Variants in TFEC observed in about 807,000 individuals in gnomAD.
The protein encoded by TFEC is class E basic helix-loop-helix protein 34.
Under a neutral mutation model 41.6 loss-of-function variants are expected in TFEC, and 31 were observed. The observed-to-expected ratio is 0.74, with a 90% CI of 0.56 to 1.01. The LOEUF (loss-of-function observed/expected upper bound fraction) is 1.01. Ranked by LOEUF, TFEC falls within the 50% of genes least tolerant of loss-of-function variation. TFEC has a pLI of 0.00. For synonymous variants in TFEC, 143 were observed against 140.6 expected (o/e 1.02, Z -0.12); for missense variants, 402 against 404.1 (o/e 0.99, Z 0.04).
intron 2 of TFEC, among the ~76,000 whole-genome samples, chr7:115,981,829 G>C (rs909167078): frequency 6.8e-6 from 1 of 147,942 alleles, no homozygotes; most frequent in East Asian, 2.3e-4. Flanking sequence ...CAAATAAGCA[G>C]GAGGTAAAGA....
At chr7:116,015,372 C>T (rs1262203461) in intron 1 of TFEC, among the ~76,000 whole-genome samples, 5 of 151,984 alleles carry the variant, frequency 3.3e-5, no homozygotes, top group African/African-American at 1.2e-4. Flanking sequence ...CTCTTTTTCT[C>T]CCTTTCTTTC....
chr7:115,951,009 C>T (rs757591862), intron 5 of TFEC, 60 bp from the exon 6 acceptor site: 1 of 1,046,752 alleles, frequency 9.6e-7, no homozygotes, highest in Non-Finnish European at 1.4e-6. Context: ...TTTTGGTCAG[C>T]TGTAAACATT....
At chr7:116,111,182 AC>A (rs1797847520) in intron 2 of TFEC, among the ~76,000 whole-genome samples, 1 of 151,824 alleles carries the variant, frequency 6.6e-6, no homozygotes, top group East Asian at 1.9e-4. Flanking sequence ...TTTGTGCCTG[AC>A]TTTGTTATTC....
At chr7:116,149,815 T>G (rs183539807) in intron 1 of TFEC, among the ~76,000 whole-genome samples, 58 of 152,294 alleles carry the variant, frequency 3.8e-4, no homozygotes, top group African/African-American at 1.3e-3. Flanking sequence ...ACAAAAACTC[T>G]TAATTTTCAG....
At chr7:116,074,191 A>AT (rs35025146) in intron 3 of TFEC, among the ~76,000 whole-genome samples, 79,633 of 150,404 alleles carry the variant, frequency 0.53, 22,325 homozygotes, top group East Asian at 0.8. Context: ...TACATTATAT[A>AT]TTTTTTGTGT....
At chr7:115,945,051 A>T (rs1050503635) in intron 6 of TFEC, among the ~76,000 whole-genome samples, 1 of 150,042 alleles carries the variant, frequency 6.7e-6, no homozygotes, top group African/African-American at 2.4e-5. Flanking sequence ...ATTTTTTAAA[A>T]ACTGTTCTTA....
At chr7:116,028,601 G>C (rs1297299033) in intron 1 of TFEC, among the ~76,000 whole-genome samples, 1 of 152,148 alleles carries the variant, frequency 6.6e-6, no homozygotes, top group Admixed American at 6.5e-5. Context: ...CAACCTATTT[G>C]TAAACACCAC....
intron 3 of TFEC, among the ~76,000 whole-genome samples, chr7:116,045,833 A>G (rs1337063279): frequency 1.3e-5 from 2 of 152,206 alleles, no homozygotes; most frequent in Non-Finnish European, 2.9e-5. Context: ...GGACCCTGCA[A>G]AGCCACAGGG....
chr7:115,969,491 T>C (rs1158192975), intron 3 of TFEC, among the ~76,000 whole-genome samples: 71 of 151,880 alleles, frequency 4.7e-4, no homozygotes, highest in Non-Finnish European at 1.5e-4. Flanking sequence ...ACAAAAGCAT[T>C]CCAAACTAAG....
At chr7:116,087,415 G>T (rs1003560215) in intron 3 of TFEC, among the ~76,000 whole-genome samples, 3 of 151,886 alleles carry the variant, frequency 2.0e-5, no homozygotes, top group Non-Finnish European at 4.4e-5. Flanking sequence ...ATATTGTCCA[G>T]TGTTGCCTAT....
rs1270346474 is a variant in TFEC at position 115,935,748 on chromosome 7, A to G, written c.*4803T>C. ...CAATAAAACAGTAGTGCAGGGATAA[A>G]AGAGGTAGTATTACAAACACAAAAG... is the stretch of plus-strand genomic sequence containing the variant. On this transcript the variant is annotated 3_prime_UTR_variant, in exon 8 of 8. Transcript: ENST00000265440. The G allele has an allele frequency of 6.6e-6, 1 of 151,610 alleles. No homozygotes were observed. The highest frequency in any genetic ancestry group is 1.5e-5 in the Non-Finnish European group (1 of 67,586). The allele number at this position is 151,610 out of a possible 1,614,324, so 9.4% of individuals were successfully genotyped here.
chr7:115,950,783 A>G (rs1791892863), intron 6 of TFEC, 91 bp downstream of exon 6: 2 of 927,752 alleles, frequency 2.2e-6, no homozygotes, highest in East Asian at 2.6e-5. Flanking sequence ...TTAGTTTCCT[A>G]GTCATTGGTT....
Position 116,092,448 on chromosome 7 carries a change from A to G in TFEC, c.198+18260T>C, listed in dbSNP as rs144042793. Among the ~76,000 whole-genome samples the G allele has an allele frequency of 2.0e-5, 3 of 152,194 alleles. No individual in the cohort carries two copies. In the East Asian group the frequency reaches 5.8e-4, roughly 29 times the overall value. On this transcript the variant is annotated intron_variant, in intron 3 of 8. Transcript: ENST00000484212. Reference sequence around the variant, plus strand: ...ATCTTTCGTGTATTCCATTAATTCTAAAATAAATATGTTACCTGAGGCAAA... The same window carrying G: ...ATCTTTCGTGTATTCCATTAATTCTGAAATAAATATGTTACCTGAGGCAAA...
At chr7:115,974,123 G>T in intron 3 of TFEC, 47 bp downstream of exon 3, 1 of 1,431,554 alleles carries the variant, frequency 7.0e-7, no homozygotes, top group Non-Finnish European at 9.5e-7. Context: ...TTATCAGAGT[G>T]TATTCATTTC....
chr7:116,114,624 G>A (rs981385383), intron 1 of TFEC, among the ~76,000 whole-genome samples: 9 of 151,924 alleles, frequency 5.9e-5, no homozygotes, highest in African/African-American at 1.7e-4. Flanking sequence ...ACTTCCAGAA[G>A]ATGAAGAGAC....
intron 1 of TFEC, among the ~76,000 whole-genome samples, chr7:116,020,770 A>ATTTT (rs548599929): frequency 6.7e-6 from 1 of 148,584 alleles, no homozygotes; most frequent in Non-Finnish European, 1.5e-5. Flanking sequence ...GTACCATTGG[A>ATTTT]TTTTTTTTTT....
chr7:116,052,742 A>G (rs1285495190), intron 3 of TFEC, among the ~76,000 whole-genome samples: 1 of 150,992 alleles, frequency 6.6e-6, no homozygotes, highest in Non-Finnish European at 1.5e-5. Context: ...TAAGTATTTA[A>G]CAGAGTGTGA....
chr7:115,961,648 T>C (rs1262339835), intron 3 of TFEC, among the ~76,000 whole-genome samples: 1 of 151,642 alleles, frequency 6.6e-6, no homozygotes. Context: ...TTGACATGCT[T>C]CTGGCAAAAC....
intron 3 of TFEC, among the ~76,000 whole-genome samples, chr7:115,960,579 C>T (rs537352615): frequency 6.6e-6 from 1 of 151,390 alleles, no homozygotes; most frequent in East Asian, 1.9e-4. Context: ...GGGTTGCTGT[C>T]GCAGGGAAGC....
Sources: gnomAD v4.1 joint callset for allele counts (sites outside exome capture counted in the v4.1 genomes callset) on GRCh38, gnomAD v4.1.1 for gene constraint, MANE v1.5 for transcripts, NCBI Gene and HGNC (gene_info 2026-07-23, HGNC 2026-07-21) for gene names.